Variants in PDE6C observed in about 807,000 individuals in gnomAD.
The protein encoded by PDE6C is cone cGMP-specific 3',5'-cyclic phosphodiesterase subunit alpha'.
A neutral mutation model predicts 113.1 loss-of-function variants in PDE6C; 75 were observed. The ratio of observed to expected loss-of-function variants is 0.66; its 90% CI spans 0.55 to 0.80. The LOEUF (loss-of-function observed/expected upper bound fraction) is 0.80, where lower values mean the gene tolerates loss of function less well. PDE6C is among the 30% of genes least tolerant of loss of function. The pLI, the probability that PDE6C is intolerant of heterozygous loss-of-function variation, is 0.00. For synonymous variants in PDE6C, 375 were observed against 363.7 expected, an observed-to-expected ratio of 1.03 and a Z score of -0.35; for missense variants, 912 against 1,038.6, an observed-to-expected ratio of 0.88 and a Z score of 1.67.
intron 19 of PDE6C, among the ~76,000 whole-genome samples, 190 bp downstream of exon 19, chr10:93,662,323 C>T (rs2058669487): frequency 6.6e-6 from 1 of 151,740 alleles, no homozygotes; most frequent in African/African-American, 2.4e-5. Context: ...ATTAGCTGGT[C>T]ATGGTGGTGC....
intron 14 of PDE6C, 21 bp downstream of exon 14, chr10:93,641,050 T>A: frequency 7.4e-7 from 1 of 1,344,222 alleles, no homozygotes; most frequent in Non-Finnish European, 1.1e-6. Flanking sequence ...ACATGTCCAA[T>A]GTTGACACGT....
chr10:93,659,091 T>C lies in PDE6C; in HGVS notation c.2145-13T>C. 2 of 1,607,744 alleles carry C rather than the reference T, an allele frequency of 1.2e-6. No individual in the cohort carries two copies. Among genetic ancestry groups the C allele is most frequent in the Non-Finnish European group, 1.7e-6 (2 of 1,176,374 alleles). ...CTTATTTCTATTTTAAAATTTTTTG[T>C]TTTCTTCCTAAGGGCAATGATGATG... is the stretch of plus-strand genomic sequence containing the variant. On this transcript the variant is annotated splice_polypyrimidine_tract_variant and intron_variant, in intron 17 of 21. Transcript: ENST00000371447.
rs1281294413 is a variant in PDE6C at position 93,646,003 on chromosome 10, G to A, written c.1891G>A (p.Glu631Lys). ...LARLHGSSIL[E>K]RHHLEYSKTL... ...AAGACTTCATGGTTCTTCTATTTTGGAGAGGCACCACCTGGAGTACAGTAA... is the reference window on the plus strand; with the variant it reads ...AAGACTTCATGGTTCTTCTATTTTGAAGAGGCACCACCTGGAGTACAGTAA... Residue 631 changes from glutamate to lysine, a missense_variant, in exon 15 of 22, where the codon GAG (glutamate) becomes AAG (lysine). Coordinates refer to ENST00000371447, the MANE Select transcript of PDE6C (RefSeq NM_006204.4). 2 of 1,609,640 alleles carry A rather than the reference G, an allele frequency of 1.2e-6. No individual in the cohort carries two copies. Among genetic ancestry groups the A allele is most frequent in the African/African-American group, 1.3e-5 (1 of 74,894 alleles).
At chr10:93,655,943 A>G in intron 16 of PDE6C, 83 bp downstream of exon 16, 1 of 811,012 alleles carries the variant, frequency 1.2e-6, no homozygotes, top group Non-Finnish European at 2.2e-6. Context: ...CATTAATGTT[A>G]AAAGGCATTT....
At chr10:93,641,607 G>A (rs564348656) in intron 14 of PDE6C, among the ~76,000 whole-genome samples, 4 of 152,194 alleles carry the variant, frequency 2.6e-5, no homozygotes, top group African/African-American at 7.2e-5. Flanking sequence ...TTGCACTACT[G>A]CACTCCAGCT....
intron 15 of PDE6C, among the ~76,000 whole-genome samples, chr10:93,654,857 G>C (rs2133874716): frequency 7.0e-6 from 1 of 143,466 alleles, no homozygotes; most frequent in African/African-American, 2.6e-5. Context: ...ACCCAAGCTG[G>C]AGTGCAATGG....
intron 1 of PDE6C, 43 bp downstream of exon 1, chr10:93,613,248 C>G: frequency 6.2e-7 from 1 of 1,611,710 alleles, no homozygotes; most frequent in Non-Finnish European, 8.5e-7. Flanking sequence ...TTGGCAGGGT[C>G]AGGGAGGAAC....
Position 93,642,536 on chromosome 10 carries a change from G to C in PDE6C, c.1847+1507G>C, listed in dbSNP as rs561784386. On this transcript the variant is annotated intron_variant, in intron 14 of 21. Coordinates refer to ENST00000371447, the MANE Select transcript of PDE6C (RefSeq NM_006204.4). Reference sequence around the variant, plus strand: ...CACTTCATTCTCATTTCTGACACATGAACTACCCCTCTCCAGAAGTAGTGA... The same window carrying C: ...CACTTCATTCTCATTTCTGACACATCAACTACCCCTCTCCAGAAGTAGTGA... 5.9e-3 allele frequency among the ~76,000 whole-genome samples: 846 copies of C among 143,660 alleles called. 4 individuals carry two copies. The highest frequency in any genetic ancestry group is 0.016 in the African/African-American group (627 of 40,372). 94.2% of individuals were successfully genotyped at this position (143,660 alleles called of 152,430 possible).
At chr10:93,644,885 T>TTATATAGTA (rs1293578678) in intron 14 of PDE6C, among the ~76,000 whole-genome samples, 2 of 66,990 alleles carry the variant, frequency 3.0e-5, no homozygotes, top group African/African-American at 9.2e-5. Context: ...TACAGTATAT[T>TTATATAGTA]TATATAGTAT....
At chr10:93,613,329 G>A (rs2058402134) in intron 1 of PDE6C, 124 bp downstream of exon 1, 1 of 1,356,636 alleles carries the variant, frequency 7.4e-7, no homozygotes, top group East Asian at 2.5e-5. Context: ...GTGGGTGGCA[G>A]GGAAGAGGAT....
chr10:93,640,610 C>A, intron 13 of PDE6C, 53 bp downstream of exon 13: 3 of 1,223,664 alleles, frequency 2.5e-6, no homozygotes, highest in Non-Finnish European at 3.6e-6. Context: ...CCCATTTGAG[C>A]ATGATGAGAA....
intron 15 of PDE6C, among the ~76,000 whole-genome samples, chr10:93,652,383 A>G (rs1589703423): frequency 1.3e-5 from 2 of 152,332 alleles, no homozygotes. Context: ...GAGAAAATCT[A>G]AAAGAATGTA....
At position 93,613,292 on chromosome 10, in the gene PDE6C, C is replaced by T. The variant is rs1212422450; in HGVS notation, c.480+87C>T. On this transcript the variant is annotated intron_variant, in intron 1 of 21. Transcript: ENST00000371447. ...AAGAGAGATAGTGCTATCCTTGTGG[C>T]ATTAGTTTGGCAATAACCGGGGGAA... 3 of 1,565,426 alleles carry T rather than the reference C, an allele frequency of 1.9e-6. No homozygotes were observed. In the African/African-American group the frequency reaches 4.1e-5, roughly 21 times the overall value.
rs567151045 is a variant in PDE6C, at chr10:93,643,536, A to G, written c.1848-2424A>G. 2.0e-5 allele frequency among the ~76,000 whole-genome samples: 3 copies of G among 151,868 alleles called. No homozygotes were observed. In the South Asian group the frequency reaches 6.3e-4, roughly 32 times the overall value. On this transcript the variant is annotated intron_variant, in intron 14 of 21. Transcript: ENST00000371447. ...CCCAAGTAGCTGGGACTACAGGTGT[A>G]TGCTACCATGCCTGGCTAACTTTTA...
intron 1 of PDE6C, among the ~76,000 whole-genome samples, chr10:93,619,961 G>A (rs914101321): frequency 6.6e-6 from 1 of 152,160 alleles, no homozygotes; most frequent in Non-Finnish European, 1.5e-5. Context: ...TCTAAGAGGT[G>A]AGTTCACATC....
At chr10:93,629,352 G>T (rs2058488488) in intron 8 of PDE6C, 47 bp downstream of exon 8, 1 of 1,411,524 alleles carries the variant, frequency 7.1e-7, no homozygotes, top group African/African-American at 1.4e-5. Context: ...CTGGGGTAGA[G>T]GAGTGGATGC....
chr10:93,631,660 G>T (rs1307935759), intron 8 of PDE6C, among the ~76,000 whole-genome samples: 1 of 152,144 alleles, frequency 6.6e-6, no homozygotes, highest in African/African-American at 2.4e-5. Flanking sequence ...ACGGGTGACC[G>T]CCCTCCCCAA....
Position 93,640,928 on chromosome 10 carries a change from A to G in PDE6C, c.1746A>G (p.Arg582=). Residue 582 remains arginine, a synonymous_variant, in exon 14 of 22, where the codon AGA becomes AGG. Transcript: ENST00000371447. The part of the protein sequence containing the change: ...QTMFTLLMTG[R]LKKYYTDLEA... The stretch of plus-strand genomic sequence containing the variant: ...ATATGTTATTTTTTTAGACAGGAAG[A>G]TTAAAGAAGTACTACACAGATCTCG... The G allele has an allele frequency of 6.3e-7, 1 of 1,599,660 alleles. No homozygotes were observed. The highest frequency in any genetic ancestry group is 8.6e-7 in the Non-Finnish European group (1 of 1,166,888).
At chr10:93,633,863 C>T (rs762484202) in intron 8 of PDE6C, among the ~76,000 whole-genome samples, 16 of 152,126 alleles carry the variant, frequency 1.1e-4, no homozygotes, top group East Asian at 7.7e-4. Context: ...TCCCATCACT[C>T]AGGCTTGGGA....
Sources: gnomAD v4.1 joint callset for allele counts (sites outside exome capture counted in the v4.1 genomes callset) on GRCh38, gnomAD v4.1.1 for gene constraint, MANE v1.5 for transcripts, NCBI Gene and HGNC (gene_info 2026-07-23, HGNC 2026-07-21) for gene names.